The following ALG9 variants were observed in gnomAD, a reference collection of about 807,000 sequenced individuals.
The protein encoded by ALG9 is alpha-1,2-mannosyltransferase ALG9.
Under a neutral mutation model 81.8 loss-of-function variants are expected in ALG9, and 55 were observed. That is an observed-to-expected ratio of 0.67 (90% CI 0.54 to 0.84). The LOEUF (loss-of-function observed/expected upper bound fraction) is 0.84. Among genes scored for constraint, ALG9 ranks in the 40% least tolerant of loss-of-function variants. The probability of loss-of-function intolerance (pLI) is 0.00; values close to 1 mark genes in which losing one functional copy is unlikely to be tolerated. For missense variants in ALG9, 629 were observed against 745.0 expected (o/e 0.84, Z 1.81); for synonymous variants, 278 against 274.3 (o/e 1.01, Z -0.13).
chr11:111,870,498 TAAAA>T, intron 1 of ALG9, 128 bp from the exon 2 acceptor site: 18 of 1,230,498 alleles, frequency 1.5e-5, no homozygotes, highest in Non-Finnish European at 1.8e-5. Context: ...GTTATTCACC[TAAAA>T]AGGTGAATAG....
intron 13 of ALG9, among the ~76,000 whole-genome samples, chr11:111,816,181 T>A (rs1592010138): frequency 6.6e-6 from 1 of 152,234 alleles, no homozygotes; most frequent in East Asian, 1.9e-4. Context: ...GTGATACAAT[T>A]TGTCCTGACA....
chr11:111,804,484 C>A (rs572140992), intron 14 of ALG9, among the ~76,000 whole-genome samples: 3 of 151,942 alleles, frequency 2.0e-5, no homozygotes, highest in Non-Finnish European at 2.9e-5. Flanking sequence ...CGAGCGCTTT[C>A]GGGGGCTGAG....
At chr11:111,864,329 A>C in intron 4 of ALG9, 1 of 814,500 alleles carries the variant, frequency 1.2e-6, no homozygotes, top group Non-Finnish European at 2.2e-6. Context: ...GCTCAACTGC[A>C]TAAAAGTTTC....
At position 111,786,260 on chromosome 11, in the gene ALG9, G is replaced by A; in HGVS notation, c.*137C>T. 2.2e-6 allele frequency: 3 copies of A among 1,357,686 alleles called. No individual in the cohort carries two copies. The highest frequency in any genetic ancestry group is 3.1e-6 in the Non-Finnish European group (3 of 952,896). 84.1% of individuals were successfully genotyped at this position (1,357,686 alleles called of 1,614,324 possible). On this transcript the variant is annotated 3_prime_UTR_variant, in exon 15 of 15. Coordinates refer to ENST00000616540, the MANE Select transcript of ALG9 (RefSeq NM_024740.2). The stretch of plus-strand genomic sequence containing the variant: ...TAGACTTTGAAATAGACTTTGACTA[G>A]CCCAGAGCACCCAGATTCCAGTATT...
In ALG9 at chr11:111,840,640, C is replaced by A; in HGVS notation, c.1173+15G>T. On this transcript the variant is annotated intron_variant, in intron 10 of 14. Transcript: ENST00000616540. ...AAAAAAGAATGAGGCAGATACACTT[C>A]TCCCTGAAACTCACCTGAAGTGCAG... is the stretch of plus-strand genomic sequence containing the variant. The A allele has an allele frequency of 6.2e-7, 1 of 1,614,040 alleles. No homozygotes were observed. The highest frequency in any genetic ancestry group is 8.5e-7 in the Non-Finnish European group (1 of 1,179,932).
chr11:111,842,504 C>T (rs938701546), intron 9 of ALG9, among the ~76,000 whole-genome samples: 1 of 152,126 alleles, frequency 6.6e-6, no homozygotes, highest in Non-Finnish European at 1.5e-5. Flanking sequence ...TCACTGTAGC[C>T]TTGACCTCCT....
chr11:111,835,611 G>T (rs143009503), intron 13 of ALG9, among the ~76,000 whole-genome samples: 101 of 152,282 alleles, frequency 6.6e-4, no homozygotes, highest in African/African-American at 2.4e-3. Flanking sequence ...AACTTCTACC[G>T]TAAGAAAACT....
intron 5 of ALG9, 159 bp from the exon 6 acceptor site, chr11:111,857,896 ATTCTTTTTT>A: frequency 1.2e-6 from 1 of 823,126 alleles, no homozygotes; most frequent in Admixed American, 2.5e-5. Flanking sequence ...GCAAAGTGAT[ATTCTTTTTT>A]AAAAAAATGA....
At chr11:111,833,764 T>G (rs1299277906) in intron 13 of ALG9, among the ~76,000 whole-genome samples, 5 of 152,240 alleles carry the variant, frequency 3.3e-5, no homozygotes, top group African/African-American at 9.6e-5. Context: ...AGCATTTTGG[T>G]GACTCCTACT....
At chr11:111,840,185 C>T (rs1956004739) in intron 10 of ALG9, among the ~76,000 whole-genome samples, 1 of 152,148 alleles carries the variant, frequency 6.6e-6, no homozygotes, top group Non-Finnish European at 1.5e-5. Context: ...ATACAGGGTT[C>T]TGAGGCTACT....
intron 13 of ALG9, among the ~76,000 whole-genome samples, chr11:111,815,093 G>T (rs1277641508): frequency 1.3e-5 from 2 of 152,162 alleles, no homozygotes; most frequent in Non-Finnish European, 2.9e-5. Context: ...AGGGATGTGG[G>T]TGGTAACTAA....
chr11:111,788,965 T>C (rs1327925981), intron 14 of ALG9, among the ~76,000 whole-genome samples: 1 of 152,072 alleles, frequency 6.6e-6, no homozygotes, highest in East Asian at 1.9e-4. Flanking sequence ...GTCCTTAGTA[T>C]AACCTCAGGG....
chr11:111,870,974 C>A, intron 1 of ALG9: 3 of 1,018,800 alleles, frequency 2.9e-6, no homozygotes, highest in Non-Finnish European at 3.5e-6. Flanking sequence ...GAGGTGATGG[C>A]GGGTTGGATG....
intron 6 of ALG9, among the ~76,000 whole-genome samples, chr11:111,856,312 C>T (rs1555143121): frequency 1.4e-5 from 2 of 148,140 alleles, no homozygotes; most frequent in Non-Finnish European, 3.0e-5. Flanking sequence ...AAAAATTGTT[C>T]ACTGAAGCAT....
chr11:111,786,141 A>AT lies in ALG9; in HGVS notation c.*255dup, dbSNP rs1312620376. On this transcript the variant is annotated 3_prime_UTR_variant, in exon 15 of 15. Coordinates refer to ENST00000616540, the MANE Select transcript of ALG9 (RefSeq NM_024740.2). ...GAAAAACAATGAGATGTGGAGCAAT[A>AT]TATCTATCTGTGCTTTAGGGCCTTT... 8 of 549,256 alleles carry AT rather than the reference A, an allele frequency of 1.5e-5. No homozygotes were observed. Among genetic ancestry groups the AT allele is most frequent in the Non-Finnish European group, 2.4e-5 (7 of 287,968 alleles). 34.0% of individuals were successfully genotyped at this position (549,256 alleles called of 1,614,324 possible). A position where few individuals can be genotyped will look rare whatever the true frequency, so the allele number is the denominator to read the frequency against.
intron 13 of ALG9, among the ~76,000 whole-genome samples, chr11:111,815,244 T>A (rs1309173075): frequency 6.7e-6 from 1 of 149,294 alleles, no homozygotes; most frequent in Non-Finnish European, 1.5e-5. Context: ...ACAAAAAAAT[T>A]TTTTTTAAAA....
At chr11:111,824,007 C>T (rs2136626675) in intron 13 of ALG9, among the ~76,000 whole-genome samples, 1 of 152,258 alleles carries the variant, frequency 6.6e-6, no homozygotes, top group East Asian at 1.9e-4. Flanking sequence ...CTCAGTGAAG[C>T]CCAACTGGAT....
At chr11:111,822,147 C>T (rs1303615133) in intron 13 of ALG9, among the ~76,000 whole-genome samples, 2 of 152,200 alleles carry the variant, frequency 1.3e-5, no homozygotes, top group African/African-American at 4.8e-5. Context: ...TGGCTCAAAC[C>T]TGTAAACCTA....
chr11:111,850,543 C>A (rs1555136690), intron 8 of ALG9, among the ~76,000 whole-genome samples: 1 of 151,142 alleles, frequency 6.6e-6, no homozygotes, highest in Non-Finnish European at 1.5e-5. Flanking sequence ...CCTGTCTCTA[C>A]TAAAAATACA....
Sources: gnomAD v4.1 joint callset for allele counts (sites outside exome capture counted in the v4.1 genomes callset) on GRCh38, gnomAD v4.1.1 for gene constraint, MANE v1.5 for transcripts, NCBI Gene and HGNC (gene_info 2026-07-23, HGNC 2026-07-21) for gene names.